MITF: variants seen among roughly 807,000 people sequenced by gnomAD.
MITF encodes melanocyte inducing transcription factor.
MITF carries 17 observed loss-of-function variants against 60.5 expected under a neutral mutation model. That is an observed-to-expected ratio of 0.28 (90% confidence interval 0.19 to 0.42). MITF has a LOEUF of 0.42. Ranked by LOEUF, MITF falls within the 10% of genes least tolerant of loss-of-function variation. The probability of loss-of-function intolerance (pLI) is 1.00; values close to 1 mark genes in which losing one functional copy is unlikely to be tolerated. For missense variants in MITF, 622 were observed against 683.5 expected, an observed-to-expected ratio of 0.91 and a Z score of 1.00; for synonymous variants, 260 against 248.5, an observed-to-expected ratio of 1.05 and a Z score of -0.43.
intron 2 of MITF, among the ~76,000 whole-genome samples, chr3:69,922,330 T>G (rs560904918): frequency 2.0e-5 from 3 of 152,244 alleles, no homozygotes; most frequent in South Asian, 4.1e-4. Flanking sequence ...CAGGTGATTC[T>G]CCTGCCTCAG....
intron 1 of MITF, among the ~76,000 whole-genome samples, chr3:69,773,954 G>A (rs936410864): frequency 3.3e-5 from 5 of 152,174 alleles, no homozygotes; most frequent in Non-Finnish European, 7.4e-5. Context: ...AGTAGGAGGA[G>A]AGATTCCTGG....
chr3:69,959,903 A>T (rs2066498254), intron 9 of MITF, among the ~76,000 whole-genome samples: 1 of 152,184 alleles, frequency 6.6e-6, no homozygotes, highest in African/African-American at 2.4e-5. Flanking sequence ...TGTGTTGGAT[A>T]AGCTTCGTTC....
At chr3:69,921,363 T>C (rs896246994) in intron 2 of MITF, among the ~76,000 whole-genome samples, 11 of 152,244 alleles carry the variant, frequency 7.2e-5, no homozygotes, top group Non-Finnish European at 5.9e-5. Context: ...AATGCACTCA[T>C]AGTTGATGTT....
chr3:69,892,019 G>C (rs1403008605), intron 2 of MITF, among the ~76,000 whole-genome samples: 1 of 152,070 alleles, frequency 6.6e-6, no homozygotes. Flanking sequence ...GAACTCTGAG[G>C]GTCAGTGAAT....
chr3:69,841,931 C>G (rs1215976267), intron 1 of MITF, among the ~76,000 whole-genome samples: 1 of 152,098 alleles, frequency 6.6e-6, no homozygotes, highest in Non-Finnish European at 1.5e-5. Flanking sequence ...TTTTTGTTTG[C>G]CTTTAGTTTA....
At chr3:69,930,698 G>C (rs1222015398) in intron 2 of MITF, among the ~76,000 whole-genome samples, 1 of 152,242 alleles carries the variant, frequency 6.6e-6, no homozygotes, top group Non-Finnish European at 1.5e-5. Context: ...TGCTGCTCGG[G>C]ATGTAGTGTG....
chr3:69,834,509 C>CT (rs2107113524), intron 1 of MITF, among the ~76,000 whole-genome samples: 1 of 152,230 alleles, frequency 6.6e-6, no homozygotes, highest in African/African-American at 2.4e-5. Flanking sequence ...GGAGTTCATT[C>CT]TTTTTTATGG....
At chr3:69,919,169 A>G (rs997209800) in intron 2 of MITF, among the ~76,000 whole-genome samples, 1 of 152,222 alleles carries the variant, frequency 6.6e-6, no homozygotes, top group Non-Finnish European at 1.5e-5. Context: ...CCAAAGTGTT[A>G]ATTAAATAAT....
intron 1 of MITF, among the ~76,000 whole-genome samples, chr3:69,741,579 G>A (rs1331090583): frequency 6.6e-6 from 1 of 152,168 alleles, no homozygotes; most frequent in Non-Finnish European, 1.5e-5. Flanking sequence ...TAGCAGGCAC[G>A]TGTAAGGGAA....
intron 1 of MITF, among the ~76,000 whole-genome samples, chr3:69,832,811 A>G (rs2063471886): frequency 6.6e-6 from 1 of 152,186 alleles, no homozygotes; most frequent in Non-Finnish European, 1.5e-5. Flanking sequence ...TTGTCTGGTT[A>G]CACTGTATGT....
intron 2 of MITF, among the ~76,000 whole-genome samples, chr3:69,931,428 A>T (rs183714810): frequency 2.6e-5 from 4 of 152,268 alleles, no homozygotes; most frequent in Admixed American, 2.6e-4. Flanking sequence ...AGGCTACTAA[A>T]TATTGTTTGT....
intron 3 of MITF, chr3:69,938,815 G>A: frequency 7.2e-7 from 1 of 1,393,366 alleles, no homozygotes; most frequent in Non-Finnish European, 9.3e-7. Context: ...TGCAAATTCG[G>A]AGGCAACTTT....
intron 1 of MITF, among the ~76,000 whole-genome samples, chr3:69,804,564 A>G (rs777598858): frequency 6.6e-6 from 1 of 152,078 alleles, no homozygotes; most frequent in East Asian, 1.9e-4. Flanking sequence ...TAGGATGTTT[A>G]TTTTTTTACT....
intron 1 of MITF, chr3:69,758,688 G>A (rs1410432985): frequency 2.0e-5 from 4 of 203,672 alleles, no homozygotes; most frequent in African/African-American, 6.9e-5. Flanking sequence ...GATACAGAGT[G>A]TGTCCAATAA....
At chr3:69,923,551 G>T (rs921666157) in intron 2 of MITF, among the ~76,000 whole-genome samples, 1 of 152,132 alleles carries the variant, frequency 6.6e-6, no homozygotes, top group South Asian at 2.1e-4. Context: ...CACCATGTTG[G>T]CCTGAAGTGA....
intron 2 of MITF, among the ~76,000 whole-genome samples, chr3:69,882,559 C>CA (rs1337557167): frequency 4.0e-5 from 6 of 151,544 alleles, no homozygotes; most frequent in African/African-American, 4.9e-5. Context: ...TGTGAATTAA[C>CA]AACAACAAAA....
At chr3:69,741,260 A>G (rs1201821073) in intron 1 of MITF, among the ~76,000 whole-genome samples, 2 of 152,140 alleles carry the variant, frequency 1.3e-5, no homozygotes, top group Admixed American at 6.6e-5. Flanking sequence ...CTTTATCTGC[A>G]TTCGGCTGAA....
At chr3:69,761,371 G>C (rs559505305) in intron 1 of MITF, among the ~76,000 whole-genome samples, 1 of 152,282 alleles carries the variant, frequency 6.6e-6, no homozygotes, top group East Asian at 1.9e-4. Context: ...ACTTGTGCTT[G>C]TCTGTTTTCT....
intron 1 of MITF, among the ~76,000 whole-genome samples, chr3:69,750,743 G>T (rs1186385243): frequency 6.6e-6 from 1 of 151,990 alleles, no homozygotes; most frequent in Non-Finnish European, 1.5e-5. Context: ...TGAAACTATT[G>T]GTTGAATCAC....
Sources: allele counts gnomAD v4.1 joint callset (sites outside exome capture counted in the v4.1 genomes callset), GRCh38; gene constraint gnomAD v4.1.1; transcripts MANE v1.5; gene names NCBI Gene and HGNC (gene_info 2026-07-23, HGNC 2026-07-21).